NEB: variants seen among roughly 807,000 people sequenced by gnomAD.
NEB encodes the protein nemaline myopathy type 2.
A neutral mutation model predicts 952.2 loss-of-function variants in NEB; 512 were observed. The ratio of observed to expected loss-of-function variants is 0.54; its 90% confidence interval spans 0.50 to 0.58. The LOEUF is 0.58. Among genes scored for constraint, NEB ranks in the 20% least tolerant of loss-of-function variants. NEB has a pLI of 0.00. For synonymous variants in NEB, 2,900 were observed against 3,149.8 expected, an observed-to-expected ratio of 0.92 and a Z score of 2.66; for missense variants, 8,428 against 9,231.1, an observed-to-expected ratio of 0.91 and a Z score of 3.56.
At chr2:151,687,398 C>G (rs759608759) in intron 27 of NEB, 21 bp downstream of exon 27, 3 of 1,592,708 alleles carry the variant, frequency 1.9e-6, no homozygotes, top group Middle Eastern at 1.7e-4. Flanking sequence ...GAAAACAAGA[C>G]AGATTCACAA....
intron 12 of NEB, among the ~76,000 whole-genome samples, chr2:151,707,817 G>T (rs2099719540): frequency 6.6e-6 from 1 of 152,058 alleles, no homozygotes; most frequent in Non-Finnish European, 1.5e-5. Flanking sequence ...CAATCAGCTT[G>T]GTATCCAAAG....
At chr2:151,492,977 G>A (rs1232052273) in intron 176 of NEB, 1 of 216,476 alleles carries the variant, frequency 4.6e-6, no homozygotes, top group East Asian at 1.3e-4. Flanking sequence ...CCATTTCAGA[G>A]TATTACCCAT....
Position 151,614,269 on chromosome 2 carries a change from C to A in NEB, c.11601+7G>T. 6.2e-7 allele frequency: 1 copy of A among 1,610,682 alleles called. No individual in the cohort carries two copies. Among genetic ancestry groups the A allele is most frequent in the Non-Finnish European group, 8.5e-7 (1 of 1,177,168 alleles). ...AACCATTACTGAAGAATATTAGAGC[C>A]ACTCACATCACTCTGCAGGTCATAG... On this transcript the variant is annotated splice_region_variant and intron_variant, in intron 77 of 181. Transcript: ENST00000397345.
At position 151,553,445 on chromosome 2, in the gene NEB, T is replaced by G; in HGVS notation, c.19684A>C (p.Thr6562Pro). ...LKGIGCYVWD[T>P]PEILHAKHAY... ...TGCTTGGCATGGAGGATTTCAGGAG[T>G]GTCCCAGACGTAGCAACCAATGCCT... The change falls in exon 127 of 182, where the codon ACT becomes CCT. Residue 6562 changes from threonine (T) to proline (P), a missense_variant. Physicochemically the swap from Thr to Pro is conservative, Grantham distance 38. This residue lies in a region of NEB where 3,374 missense variants were observed against 3,651.5 expected (regional missense o/e 0.92). Transcript: ENST00000397345. 1 of 1,613,760 alleles carries G rather than the reference T, an allele frequency of 6.2e-7. No homozygotes were observed. The highest frequency in any genetic ancestry group is 8.5e-7 in the Non-Finnish European group (1 of 1,179,748).
At chr2:151,544,189 G>T (rs2153591774) in intron 135 of NEB, among the ~76,000 whole-genome samples, 1 of 152,248 alleles carries the variant, frequency 6.6e-6, no homozygotes, top group East Asian at 1.9e-4. Flanking sequence ...CAGTGCTGAT[G>T]CACAACTTGC....
intron 146 of NEB, 147 bp downstream of exon 146, chr2:151,529,063 C>T (rs2088677726): frequency 1.5e-6 from 1 of 663,448 alleles, no homozygotes. Flanking sequence ...TATATTTTAG[C>T]ATCATTGTTC....
chr2:151,694,247 C>A, intron 20 of NEB, 76 bp downstream of exon 20: 2 of 1,211,632 alleles, frequency 1.7e-6, no homozygotes, highest in South Asian at 1.3e-5. Flanking sequence ...GTTAGGCTAA[C>A]GTCCATCCAA....
chr2:151,562,532 T>C (rs2096132504), intron 120 of NEB, 79 bp downstream of exon 120: 1 of 1,343,624 alleles, frequency 7.4e-7, no homozygotes, highest in Non-Finnish European at 1.0e-6. Flanking sequence ...AACGGGAGCA[T>C]GGCAGCCAGG....
intron 30 of NEB, 96 bp downstream of exon 30, chr2:151,680,634 T>C (rs1321063502): frequency 3.3e-6 from 3 of 905,940 alleles, no homozygotes; most frequent in South Asian, 1.9e-5. Flanking sequence ...GGTCTCTTCA[T>C]ATTGTATAAT....
intron 24 of NEB, chr2:151,689,892 T>C (rs1229169302): frequency 6.6e-6 from 1 of 152,208 alleles, no homozygotes; most frequent in Non-Finnish European, 1.5e-5. Flanking sequence ...TCTTTACTAA[T>C]TGGGTATGAG....
At chr2:151,601,321 C>T (rs2153910772) in intron 88 of NEB, among the ~76,000 whole-genome samples, 3 of 142,740 alleles carry the variant, frequency 2.1e-5, no homozygotes, top group Non-Finnish European at 4.6e-5. Flanking sequence ...GTTGGCCAGG[C>T]TGGTCTCGAA....
intron 181 of NEB, 129 bp downstream of exon 181, chr2:151,489,842 G>A (rs1574499529): frequency 3.6e-6 from 2 of 551,938 alleles, no homozygotes; most frequent in South Asian, 3.4e-5. Flanking sequence ...TATGAAACAT[G>A]TAATAAAAGA....
At chr2:151,676,361 G>C (rs1234261260) in intron 34 of NEB, among the ~76,000 whole-genome samples, 1 of 152,104 alleles carries the variant, frequency 6.6e-6, no homozygotes, top group Non-Finnish European at 1.5e-5. Context: ...AGCCTTCCTT[G>C]GATTTCGGTG....
intron 129 of NEB, among the ~76,000 whole-genome samples, chr2:151,550,586 G>A (rs2095258496): frequency 6.6e-6 from 1 of 152,132 alleles, no homozygotes; most frequent in Non-Finnish European, 1.5e-5. Context: ...TAAATACTCT[G>A]TCTCTTGGAG....
Position 151,650,795 on chromosome 2 carries a change from T to G in NEB, c.7006A>C (p.Asn2336His), listed in dbSNP as rs1338214775. 1 of 1,613,948 alleles carries G rather than the reference T, an allele frequency of 6.2e-7. No homozygotes were observed. Among genetic ancestry groups the G allele is most frequent in the African/African-American group, 1.3e-5 (1 of 75,038 alleles). The stretch of plus-strand genomic sequence containing the variant: ...CTTTCACTCTGCATTTTGGCTACAT[T>G]CATGGACAACACAAGTTTTGGGTCA... ...QDDPKLVLSM[N>H]VAKMQSEREY... Residue 2336 changes from asparagine (N) to histidine (H), a missense_variant, in exon 53 of 182, where the codon AAT becomes CAT. Asn to His is a moderately conservative substitution (Grantham distance 68). Transcript: ENST00000397345.
chr2:151,504,950 TAC>T (rs1057116912), intron 165 of NEB, among the ~76,000 whole-genome samples: 5 of 152,032 alleles, frequency 3.3e-5, no homozygotes, highest in African/African-American at 1.2e-4. Flanking sequence ...GAGCAAAGAA[TAC>T]AGGAGAAGAA....
intron 124 of NEB, among the ~76,000 whole-genome samples, chr2:151,558,574 A>T (rs747529091): frequency 1.3e-5 from 2 of 152,206 alleles, no homozygotes; most frequent in African/African-American, 2.4e-5. Context: ...AGTAATAAAA[A>T]CACCATGGTA....
At position 151,529,321 on chromosome 2, in the gene NEB, G is replaced by A. The variant is rs374513817; in HGVS notation, c.21631-7C>T. 8.3e-6 allele frequency: 13 copies of A among 1,567,224 alleles called. No individual in the cohort carries two copies. The highest frequency in any genetic ancestry group is 4.5e-5 in the East Asian group (2 of 44,614). On this transcript the variant is annotated splice_region_variant and splice_polypyrimidine_tract_variant and intron_variant, in intron 145 of 181. Coordinates refer to ENST00000397345, the MANE Select transcript of NEB (RefSeq NM_001164508.2). ...ATACTTCTTTGTATTTCAGCTGTGG[G>A]AGGAAACACAGTGACAAGATTAATT...
chr2:151,559,423 C>G (rs565241507), intron 124 of NEB, among the ~76,000 whole-genome samples: 16 of 152,258 alleles, frequency 1.1e-4, no homozygotes, highest in African/African-American at 3.6e-4. Context: ...CCATTTGACC[C>G]AGCAATCCCA....
Sources: allele counts gnomAD v4.1 joint callset (sites outside exome capture counted in the v4.1 genomes callset), GRCh38; gene constraint gnomAD v4.1.1; regional missense constraint gnomAD v4.1.1; transcripts MANE v1.5; gene names NCBI Gene and HGNC (gene_info 2026-07-23, HGNC 2026-07-21).